Variants in CD96 observed in about 807,000 individuals in gnomAD.
CD96 encodes CD96 molecule.
Under a neutral mutation model 71.3 loss-of-function variants are expected in CD96, and 70 were observed. The ratio of observed to expected loss-of-function variants is 0.98; its 90% CI spans 0.81 to 1.20. The LOEUF (loss-of-function observed/expected upper bound fraction) is 1.20. Ranked by LOEUF, CD96 falls within the 50% of genes most tolerant of loss-of-function variation. CD96 has a pLI of 0.00. For synonymous variants in CD96, 248 were observed against 233.0 expected (o/e 1.06, Z -0.59); for missense variants, 742 against 677.5 (o/e 1.10, Z -1.06).
intron 1 of CD96, among the ~76,000 whole-genome samples, chr3:111,543,399 T>C (rs1306089146): frequency 1.3e-5 from 2 of 152,182 alleles, no homozygotes; most frequent in South Asian, 4.1e-4. Context: ...ACTCTACTTA[T>C]GTCTAGTATT....
intron 10 of CD96, among the ~76,000 whole-genome samples, chr3:111,629,982 G>A (rs1390161103): frequency 6.6e-6 from 1 of 152,030 alleles, no homozygotes; most frequent in Non-Finnish European, 1.5e-5. Context: ...ACAATACAAT[G>A]TACCAGAATC....
At position 111,609,108 on chromosome 3, in the gene CD96, G is replaced by C. The variant is rs997993458; in HGVS notation, c.1180+2316G>C. The stretch of plus-strand genomic sequence containing the variant: ...TTGTATATATTTGACTCAGTGGAGA[G>C]CTCGAAAGAACGTTCTAAACAGAGA... On this transcript the variant is annotated intron_variant, in intron 8 of 13. Transcript: ENST00000352690. 8.5e-5 allele frequency among the ~76,000 whole-genome samples: 13 copies of C among 152,072 alleles called. No homozygotes were observed. In the South Asian group the frequency reaches 1.2e-3, roughly 15 times the overall value.
At position 111,649,837 on chromosome 3, in the gene CD96, C is replaced by G. The variant is rs769923748; in HGVS notation, c.*31C>G. 7.7e-7 allele frequency: 1 copy of G among 1,292,290 alleles called. No homozygotes were observed. Among genetic ancestry groups the G allele is most frequent in the East Asian group, 2.3e-5 (1 of 43,418 alleles). The allele number at this position is 1,292,290 out of a possible 1,614,324, so 80.1% of individuals were successfully genotyped here. On this transcript the variant is annotated 3_prime_UTR_variant, in exon 14 of 14. Transcript: ENST00000352690. ...TGAGACTTTGCCCCATGGCAGAACT[C>G]TGCTGGAATCCTATTGAGAAGGTAG...
At chr3:111,577,713 A>T (rs553543940) in intron 3 of CD96, among the ~76,000 whole-genome samples, 48 of 152,286 alleles carry the variant, frequency 3.2e-4, no homozygotes, top group African/African-American at 1.1e-3. Context: ...GGAATTTTCT[A>T]TTTAAACTAT....
Position 111,638,065 on chromosome 3 carries a change from C to T in CD96, c.1388-14C>T. ...TTGAGATGTCTTGTCCAGATATCCC[C>T]TTTATATCCCTAGACAATGTCTTTA... On this transcript the variant is annotated splice_polypyrimidine_tract_variant and intron_variant, in intron 11 of 13. Transcript: ENST00000352690. The T allele has an allele frequency of 6.7e-7, 1 of 1,488,628 alleles. No homozygotes were observed. Among genetic ancestry groups the T allele is most frequent in the Non-Finnish European group, 9.4e-7 (1 of 1,065,846 alleles). The allele number at this position is 1,488,628 out of a possible 1,614,324, so 92.2% of individuals were successfully genotyped here.
rs375044112 is a variant in CD96, at chr3:111,545,209, C to A, written c.225C>A (p.Tyr75Ter). ...TGATTGCTGTCTATCATCCCCAATA[C>A]GGCTTCTACTGTGCCTATGGGAGAC... ...IDLIAVYHPQ[Y>*]GFYCAYGRPC... Residue 75 changes from tyrosine (Y) to a stop codon, truncating the protein, a stop_gained, in exon 2 of 14, where the codon TAC (tyrosine) becomes TAA (stop). Coordinates refer to ENST00000352690, the MANE Select transcript of CD96 (RefSeq NM_005816.5). LOFTEE classifies it high-confidence loss of function. 6.2e-7 allele frequency: 1 copy of A among 1,613,998 alleles called. No individual in the cohort carries two copies.
intron 5 of CD96, among the ~76,000 whole-genome samples, chr3:111,589,019 C>G (rs1936846151): frequency 6.7e-6 from 1 of 149,310 alleles, no homozygotes; most frequent in African/African-American, 2.5e-5. Flanking sequence ...GCCGCGATCT[C>G]TGCTCACTGC....
chr3:111,629,240 C>A (rs1351180959), intron 10 of CD96, among the ~76,000 whole-genome samples: 2 of 152,108 alleles, frequency 1.3e-5, no homozygotes, highest in Non-Finnish European at 2.9e-5. Context: ...AGAACCAAGA[C>A]CTGTCAGTAT....
At chr3:111,609,700 A>C (rs1364498188) in intron 8 of CD96, among the ~76,000 whole-genome samples, 1 of 152,234 alleles carries the variant, frequency 6.6e-6, no homozygotes, top group Non-Finnish European at 1.5e-5. Context: ...TTTGTTTAAA[A>C]AGCAGGGGGG....
In CD96 at chr3:111,647,655, C is replaced by A. The variant is rs776360076; in HGVS notation, c.1590C>A (p.Tyr530Ter). 6.2e-7 allele frequency: 1 copy of A among 1,607,840 alleles called. No individual in the cohort carries two copies. The highest frequency in any genetic ancestry group is 1.1e-5 in the South Asian group (1 of 90,928). ...FGLGVRKWCQYQKEIMERPPP... is the reference protein window; with the variant it reads ...FGLGVRKWCQ ...TTGGAGTGAGAAAATGGTGTCAGTA[C>A]CAAAAAGAAATGTGAGTATAATACT... Residue 530 changes from tyrosine (Y) to a stop codon, truncating the protein, a stop_gained, in exon 13 of 14, where the codon TAC becomes TAA. Transcript: ENST00000352690. LOFTEE classifies it high-confidence loss of function.
intron 2 of CD96, among the ~76,000 whole-genome samples, chr3:111,564,503 C>T (rs7619313): frequency 0.12 from 17,917 of 151,944 alleles, 1,152 homozygotes; most frequent in Non-Finnish European, 0.13. Context: ...TCTCGAATTT[C>T]GTTACCTATG....
At chr3:111,557,257 GT>G (rs1935112765) in intron 2 of CD96, among the ~76,000 whole-genome samples, 1 of 121,538 alleles carries the variant, frequency 8.2e-6, no homozygotes, top group East Asian at 2.3e-4. Flanking sequence ...TGCTTTTGGT[GT>G]TTTAGACATG....
chr3:111,570,644 C>CA, intron 3 of CD96: 1 of 1,605,866 alleles, frequency 6.2e-7, no homozygotes. Flanking sequence ...CTCACACGTA[C>CA]ATGGCCCGGG....
chr3:111,589,036 C>T (rs1360230383), intron 5 of CD96, among the ~76,000 whole-genome samples: 10 of 151,458 alleles, frequency 6.6e-5, no homozygotes, highest in African/African-American at 9.7e-5. Flanking sequence ...CTGCAAGCTC[C>T]GCCTCCTGGG....
At chr3:111,659,958 A>C (rs2107814917) in intron 14 of CD96, among the ~76,000 whole-genome samples, 1 of 152,356 alleles carries the variant, frequency 6.6e-6, no homozygotes, top group East Asian at 1.9e-4. Flanking sequence ...TCCCCTTGAG[A>C]ACTGAAACAA....
At chr3:111,566,884 T>C (rs1935737037) in intron 2 of CD96, among the ~76,000 whole-genome samples, 1 of 152,184 alleles carries the variant, frequency 6.6e-6, no homozygotes, top group Non-Finnish European at 1.5e-5. Context: ...CTATTATGTA[T>C]GATACTATAA....
chr3:111,604,736 C>A (rs577493015), intron 7 of CD96, among the ~76,000 whole-genome samples: 28 of 152,190 alleles, frequency 1.8e-4, no homozygotes, highest in Non-Finnish European at 3.1e-4. Context: ...GCACCAATAT[C>A]TTCTGTTCCA....
At chr3:111,543,434 C>G (rs186801157) in intron 1 of CD96, among the ~76,000 whole-genome samples, 23 of 152,186 alleles carry the variant, frequency 1.5e-4, no homozygotes, top group Admixed American at 1.0e-3. Context: ...AGAGGTGATA[C>G]TAAGTGGAAC....
At chr3:111,591,136 A>G (rs906318955) in intron 5 of CD96, among the ~76,000 whole-genome samples, 4 of 152,160 alleles carry the variant, frequency 2.6e-5, no homozygotes, top group Admixed American at 2.0e-4. Flanking sequence ...ACACTTTGGG[A>G]GGCCGAGGTG....
Sources: gnomAD v4.1 joint callset for allele counts (sites outside exome capture counted in the v4.1 genomes callset) on GRCh38, gnomAD v4.1.1 for gene constraint, MANE v1.5 for transcripts, NCBI Gene and HGNC (gene_info 2026-07-23, HGNC 2026-07-21) for gene names.